Variants in TEX15 observed in about 807,000 individuals in gnomAD.
TEX15 encodes the protein testis expressed 15, meiosis and synapsis associated, also known as testis-expressed protein 15.
In TEX15, 171 loss-of-function variants were observed where a neutral mutation model predicts 237.3. The ratio of observed to expected loss-of-function variants is 0.72; its 90% CI spans 0.64 to 0.82. The LOEUF (loss-of-function observed/expected upper bound fraction) is 0.82, where lower values mean the gene tolerates loss of function less well. TEX15 is among the 40% of genes least tolerant of loss of function. The pLI, the probability that TEX15 is intolerant of heterozygous loss-of-function variation, is 0.00. For synonymous variants in TEX15, 1,338 were observed against 1,269.8 expected, an observed-to-expected ratio of 1.05 and a Z score of -1.14; for missense variants, 3,750 against 3,646.5, an observed-to-expected ratio of 1.03 and a Z score of -0.73.
At chr8:30,907,865 G>A (rs963690061) in intron 1 of TEX15, among the ~76,000 whole-genome samples, 2 of 150,672 alleles carry the variant, frequency 1.3e-5, no homozygotes, top group Admixed American at 6.6e-5. Context: ...TTGAGCCCAG[G>A]TGATCAAGGC....
chr8:30,910,020 A>G (rs1585320805), intron 1 of TEX15, among the ~76,000 whole-genome samples: 1 of 152,200 alleles, frequency 6.6e-6, no homozygotes, highest in Admixed American at 6.5e-5. Context: ...AATGAGAAAT[A>G]GGAACATAGC....
chr8:30,844,206 T>C lies in TEX15; in HGVS notation c.5961A>G (p.Lys1987=), dbSNP rs1807532458. The C allele has an allele frequency of 1.2e-6, 2 of 1,611,548 alleles. No individual in the cohort carries two copies. Among genetic ancestry groups the C allele is most frequent in the Non-Finnish European group, 1.7e-6 (2 of 1,179,052 alleles). The part of the protein sequence containing the change: ...PASYVSDFKE[K]HCSANHTALI... ...GGGCCGTATGATTAGCTGAGCAATG[T>C]TTTTCTTTAAAATCACTCACGTATG... The change falls in exon 8 of 11, where the codon AAA becomes AAG. Residue 1987 remains lysine (K), a synonymous_variant. Coordinates refer to ENST00000643185, the MANE Select transcript of TEX15 (RefSeq NM_001350162.2).
chr8:30,866,726 TACACACACAC>T (rs148604518), intron 5 of TEX15, among the ~76,000 whole-genome samples: 5,423 of 149,024 alleles, frequency 0.036, 277 homozygotes, highest in African/African-American at 0.12. Context: ...GACACACACA[TACACACACAC>T]ACACACACGC....
intron 3 of TEX15, among the ~76,000 whole-genome samples, chr8:30,880,803 T>A (rs1224995142): frequency 9.5e-5 from 6 of 63,472 alleles, no homozygotes; most frequent in African/African-American, 3.6e-4. Flanking sequence ...GGGGAGGGGG[T>A]GGGGGCGGGA....
At chr8:30,889,969 G>GTATATATATATATATATATATA (rs1808764671) in intron 2 of TEX15, among the ~76,000 whole-genome samples, 1 of 101,764 alleles carries the variant, frequency 9.8e-6, no homozygotes, top group Admixed American at 1.1e-4. Flanking sequence ...ATATATATAT[G>GTATATATATATATATATATATA]TATAAGTAAA....
chr8:30,861,250 T>G (rs1414436335), intron 5 of TEX15, among the ~76,000 whole-genome samples: 2 of 152,172 alleles, frequency 1.3e-5, no homozygotes, highest in Non-Finnish European at 2.9e-5. Flanking sequence ...GAAAATACTG[T>G]AGAAAGAAAC....
chr8:30,863,562 T>C (rs1443242985), intron 5 of TEX15, among the ~76,000 whole-genome samples: 4 of 152,174 alleles, frequency 2.6e-5, no homozygotes, highest in East Asian at 1.9e-4. Flanking sequence ...ATCAATACCA[T>C]TGTTGCAAGC....
At chr8:30,840,311 T>C (rs1297282601) in intron 8 of TEX15, among the ~76,000 whole-genome samples, 1 of 152,008 alleles carries the variant, frequency 6.6e-6, no homozygotes, top group Non-Finnish European at 1.5e-5. Flanking sequence ...TTCTCCTGCC[T>C]CAGCCTCCAG....
chr8:30,875,278 G>C (rs565916107), intron 3 of TEX15, among the ~76,000 whole-genome samples, 176 bp from the exon 4 acceptor site: 178 of 152,208 alleles, frequency 1.2e-3, no homozygotes, highest in Non-Finnish European at 2.0e-3. Context: ...TCCTATACTT[G>C]ATATAAATGA....
intron 2 of TEX15, among the ~76,000 whole-genome samples, chr8:30,895,676 C>CTTTTTTTTTTTTTTTTTTTTTTTTTTT (rs34002027): frequency 1.7e-5 from 1 of 60,060 alleles, no homozygotes; most frequent in Non-Finnish European, 2.7e-5. Flanking sequence ...TAAACACATG[C>CTTTTTTTTTTTTTTTTTTTTTTTTTTT]TTTTTTTTTT....
At chr8:30,863,621 C>CT (rs1808096880) in intron 5 of TEX15, among the ~76,000 whole-genome samples, 1 of 152,038 alleles carries the variant, frequency 6.6e-6, no homozygotes, top group Non-Finnish European at 1.5e-5. Flanking sequence ...AGAGCCAGTG[C>CT]CTTTTTTCCC....
intron 1 of TEX15, among the ~76,000 whole-genome samples, chr8:30,908,756 T>C (rs554469474): frequency 1.8e-4 from 28 of 152,342 alleles, no homozygotes; most frequent in South Asian, 6.2e-4. Context: ...TTGTTTTTGA[T>C]AAGAGGGGTG....
intron 2 of TEX15, among the ~76,000 whole-genome samples, chr8:30,896,566 T>C (rs981119404): frequency 6.6e-6 from 1 of 151,592 alleles, no homozygotes; most frequent in African/African-American, 2.4e-5. Flanking sequence ...AAAGTCAACA[T>C]AACTCCCCAA....
intron 10 of TEX15, among the ~76,000 whole-genome samples, chr8:30,834,105 A>G (rs1335370861): frequency 6.6e-6 from 1 of 152,202 alleles, no homozygotes; most frequent in African/African-American, 2.4e-5. Flanking sequence ...TTACAGCATC[A>G]GCAATGATAC....
chr8:30,848,895 T>C lies in TEX15; in HGVS notation c.1272A>G (p.Thr424=). ...CTTTGATGGATTTTGAAGTAGTGAC[T>C]GTGCTTGAGCCAGTATTGTTGTGAA... ...FPLHNNTGSS[T]VTTSKSIKDP... Residue 424 remains threonine, a synonymous_variant, in exon 8 of 11, where the codon ACA becomes ACG. Transcript: ENST00000643185. 1 of 1,614,204 alleles carries C rather than the reference T, an allele frequency of 6.2e-7. No individual in the cohort carries two copies. Among genetic ancestry groups the C allele is most frequent in the Non-Finnish European group, 8.5e-7 (1 of 1,180,026 alleles).
At chr8:30,890,840 AATTC>A (rs1346368666) in intron 2 of TEX15, among the ~76,000 whole-genome samples, 1 of 152,176 alleles carries the variant, frequency 6.6e-6, no homozygotes, top group East Asian at 1.9e-4. Flanking sequence ...GTTTGCATTT[AATTC>A]ATTATCAGTG....
intron 3 of TEX15, 136 bp downstream of exon 3, chr8:30,887,031 A>T: frequency 1.4e-6 from 1 of 700,452 alleles, no homozygotes; most frequent in Non-Finnish European, 2.2e-6. Flanking sequence ...AAACATAAGT[A>T]CATGTATGTT....
At position 30,909,143 on chromosome 8, in the gene TEX15, TA is replaced by T; in HGVS notation, c.-86+3735del. On this transcript the variant is annotated intron_variant, in intron 1 of 10. Coordinates refer to ENST00000643185, the MANE Select transcript of TEX15 (RefSeq NM_001350162.2). ...TAGATTTATATCAGGACAAACTAGA[TA>T]CTCAAATCAGTTATTTTATTAATCA... 1.3e-5 allele frequency among the ~76,000 whole-genome samples: 2 copies of T among 152,092 alleles called. 1 individual carries two copies. The highest frequency in any genetic ancestry group is 4.8e-5 in the African/African-American group (2 of 41,382).
Position 30,842,723 on chromosome 8 carries a change from G to A in TEX15, c.7444C>T (p.Leu2482Phe). The A allele has an allele frequency of 6.2e-7, 1 of 1,613,482 alleles. No homozygotes were observed. Among genetic ancestry groups the A allele is most frequent in the Non-Finnish European group, 8.5e-7 (1 of 1,179,794 alleles). The change falls in exon 8 of 11, where the codon CTT (leucine) becomes TTT (phenylalanine). Residue 2482 changes from leucine to phenylalanine, a missense_variant. By Grantham distance (22) the Leu-to-Phe change is conservative (BLOSUM62 0). Coordinates refer to ENST00000643185, the MANE Select transcript of TEX15 (RefSeq NM_001350162.2). ...TCTTGGCACTGAACCAGCTCAGGAA[G>A]AAGTGACAAATCAAACCAAAGCATA... is the stretch of plus-strand genomic sequence containing the variant. Reference protein sequence around the residue: ...RGMLWFDLSLLPELVQCQEKM... With the variant: ...RGMLWFDLSLFPELVQCQEKM...
Sources: gnomAD v4.1 joint callset for allele counts (sites outside exome capture counted in the v4.1 genomes callset) on GRCh38, gnomAD v4.1.1 for gene constraint, MANE v1.5 for transcripts, NCBI Gene and HGNC (gene_info 2026-07-23, HGNC 2026-07-21) for gene names.